SNED1: variants seen among roughly 807,000 people sequenced by gnomAD.
SNED1 encodes sushi, nidogen and EGF like domains 1.
SNED1 carries 81 observed loss-of-function variants against 166.7 expected under a neutral mutation model. The ratio of observed to expected loss-of-function variants is 0.49; its 90% CI spans 0.41 to 0.58. The LOEUF is 0.58. Ranked by LOEUF, SNED1 falls within the 20% of genes least tolerant of loss-of-function variation. The pLI is 0.00. For synonymous variants in SNED1, 762 were observed against 822.0 expected (o/e 0.93, Z 1.25); for missense variants, 1,604 against 2,000.2 (o/e 0.80, Z 3.78).
intron 16 of SNED1, among the ~76,000 whole-genome samples, chr2:241,060,856 G>A (rs530072741): frequency 4.3e-4 from 66 of 152,158 alleles, no homozygotes; most frequent in African/African-American, 1.1e-3. Flanking sequence ...ACTTGAAACC[G>A]GAGTTCAAAG....
At chr2:241,044,974 A>G (rs750366469) in intron 8 of SNED1, among the ~76,000 whole-genome samples, 11 of 152,222 alleles carry the variant, frequency 7.2e-5, no homozygotes, top group Non-Finnish European at 1.0e-4. Flanking sequence ...GCAACTCCAT[A>G]AAGTTACTTA....
rs1371165951 is a variant in SNED1 at position 241,037,233 on chromosome 2, G to A, written c.932-7G>A. On this transcript the variant is annotated splice_polypyrimidine_tract_variant and splice_region_variant and intron_variant, in intron 5 of 31. Coordinates refer to ENST00000310397, the MANE Select transcript of SNED1 (RefSeq NM_001080437.3). ...CCGCTGAGGCCTCAGCCTGCCCCAT[G>A]TTTCAGACGTGAACGAATGTGCCTC... 1 of 1,603,662 alleles carries A rather than the reference G, an allele frequency of 6.2e-7. No homozygotes were observed. Among genetic ancestry groups the A allele is most frequent in the South Asian group, 1.1e-5 (1 of 89,256 alleles).
Position 241,078,351 on chromosome 2 carries a change from G to C in SNED1, c.3917-3326G>C, listed in dbSNP as rs534692610. Reference sequence around the variant, plus strand: ...TGAGGTGAGATCGCGCCACTGCACTGCAGCCTGGGAGACAGAACTAGACTC... The same window carrying C: ...TGAGGTGAGATCGCGCCACTGCACTCCAGCCTGGGAGACAGAACTAGACTC... On this transcript the variant is annotated intron_variant, in intron 27 of 31. Transcript: ENST00000310397. Among the ~76,000 whole-genome samples the C allele has an allele frequency of 3.5e-4, 51 of 145,760 alleles. 1 individual carries two copies. The highest frequency in any genetic ancestry group is 2.8e-3 in the South Asian group (13 of 4,696).
chr2:241,041,043 T>C, intron 8 of SNED1: 3 of 357,070 alleles, frequency 8.4e-6, no homozygotes, highest in South Asian at 6.5e-5. Flanking sequence ...AGGGAGATGC[T>C]AAAGACAAAC....
At chr2:241,042,170 G>A (rs912297923) in intron 8 of SNED1, among the ~76,000 whole-genome samples, 1 of 152,154 alleles carries the variant, frequency 6.6e-6, no homozygotes, top group African/African-American at 2.4e-5. Flanking sequence ...ATCAAGAGGA[G>A]ACCTCCCTGA....
At position 240,999,063 on chromosome 2, in the gene SNED1, C is replaced by T. The variant is rs1413917376; in HGVS notation, c.213+13C>T. 2.4e-6 allele frequency: 3 copies of T among 1,272,862 alleles called. No homozygotes were observed. The highest frequency in any genetic ancestry group is 2.3e-5 in the South Asian group (1 of 43,854). 78.8% of individuals were successfully genotyped at this position (1,272,862 alleles called of 1,614,324 possible). ...CTCCGGACTCTACGTGAGTAACCCC[C>T]GGGCTCGCGGGGCGCCCGGGAGGGG... On this transcript the variant is annotated intron_variant, in intron 1 of 31. Coordinates refer to ENST00000310397, the MANE Select transcript of SNED1 (RefSeq NM_001080437.3). The surrounding 1 kb of genome is among the most constrained non-coding windows in gnomAD (Gnocchi z 5.8).
In SNED1 at chr2:241,070,193, T is replaced by A. The variant is rs949258024; in HGVS notation, c.3581T>A (p.Ile1194Asn). ...PQHSEPAHLY[I>N]ITSPRDGADR... Reference sequence around the variant, plus strand: ...CACAGCGAGCCCGCCCACCTCTACATCATCACCTGTGAGTGCCGTGGGCCC... The same window carrying A: ...CACAGCGAGCCCGCCCACCTCTACAACATCACCTGTGAGTGCCGTGGGCCC... The change falls in exon 24 of 32, where the codon ATC becomes AAC. Residue 1194 changes from isoleucine (I) to asparagine (N), a missense_variant. By Grantham distance (149) the Ile-to-Asn change is moderately radical. Coordinates refer to ENST00000310397, the MANE Select transcript of SNED1 (RefSeq NM_001080437.3). 6.2e-7 allele frequency: 1 copy of A among 1,605,160 alleles called. No homozygotes were observed. Among genetic ancestry groups the A allele is most frequent in the Non-Finnish European group, 8.5e-7 (1 of 1,177,888 alleles).
intron 4 of SNED1, 82 bp downstream of exon 4, chr2:241,034,812 G>C: frequency 1.4e-6 from 2 of 1,409,384 alleles, no homozygotes; most frequent in African/African-American, 2.9e-5. Context: ...AGACGAAGGG[G>C]GCTGGATGCT....
rs538790754 is a variant in SNED1 at position 241,018,487 on chromosome 2, C to T, written c.214-11797C>T. On this transcript the variant is annotated intron_variant, in intron 1 of 31. Coordinates refer to ENST00000310397, the MANE Select transcript of SNED1 (RefSeq NM_001080437.3). The surrounding 1 kb of genome is among the most constrained non-coding windows in gnomAD (Gnocchi z 5.4). ...GTTGTTCACTCAGCCCCCTGCACGT[C>T]CCGGGGTCTAAGGTGGTCCCTGGTC... 6.6e-6 allele frequency among the ~76,000 whole-genome samples: 1 copy of T among 152,346 alleles called. No individual in the cohort carries two copies. The highest frequency in any genetic ancestry group is 2.4e-5 in the African/African-American group (1 of 41,584).
At chr2:241,083,095 G>A (rs1263002363) in intron 29 of SNED1, among the ~76,000 whole-genome samples, 1 of 152,198 alleles carries the variant, frequency 6.6e-6, no homozygotes, top group Non-Finnish European at 1.5e-5. Context: ...TGTGTGGTGT[G>A]GCAGGTGGTG....
chr2:241,038,093 A>G (rs1007168992), intron 6 of SNED1, among the ~76,000 whole-genome samples: 4 of 137,894 alleles, frequency 2.9e-5, no homozygotes, highest in East Asian at 2.1e-4. Context: ...CCTGCTCTCC[A>G]TCTCACCATA....
intron 21 of SNED1, among the ~76,000 whole-genome samples, chr2:241,066,238 C>A (rs2062443256): frequency 6.6e-6 from 1 of 152,118 alleles, no homozygotes; most frequent in South Asian, 2.1e-4. Context: ...GGGTTGTGCA[C>A]AGCCTGTGGG....
rs755055045 is a variant in SNED1, at chr2:241,033,836, C to T, written c.603C>T (p.Ser201=). Residue 201 remains serine, a synonymous_variant, in exon 3 of 32, where the codon AGC becomes AGT. Coordinates refer to ENST00000310397, the MANE Select transcript of SNED1 (RefSeq NM_001080437.3). ...IVWTTGTHAS[S]GGNATGLGGI... Reference sequence around the variant, plus strand: ...GGACCACAGGCACACACGCCAGCAGCGGGGGCAACGCCACTGGCCTCGGGG... The same window carrying T: ...GGACCACAGGCACACACGCCAGCAGTGGGGGCAACGCCACTGGCCTCGGGG... 4.4e-6 allele frequency: 7 copies of T among 1,608,740 alleles called. No individual in the cohort carries two copies. Among genetic ancestry groups the T allele is most frequent in the African/African-American group, 2.7e-5 (2 of 74,980 alleles).
chr2:241,078,382 C>CAAAAAA (rs60965517), intron 27 of SNED1, among the ~76,000 whole-genome samples: 2 of 116,176 alleles, frequency 1.7e-5, no homozygotes, highest in African/African-American at 6.8e-5. Context: ...GACTCCGTCT[C>CAAAAAA]AAAAAAAAAA....
chr2:241,020,451 A>G (rs897133421), intron 1 of SNED1, among the ~76,000 whole-genome samples: 2 of 152,236 alleles, frequency 1.3e-5, no homozygotes, highest in Non-Finnish European at 2.9e-5. Context: ...AGCACCCCGC[A>G]GAGCCAGTGG....
chr2:241,048,951 C>T, intron 10 of SNED1, 71 bp from the exon 11 acceptor site: 1 of 1,414,904 alleles, frequency 7.1e-7, no homozygotes, highest in Non-Finnish European at 9.8e-7. Context: ...GAGGCCCCAT[C>T]CTTGACAAGG....
chr2:241,071,121 G>A (rs531177154), intron 24 of SNED1, among the ~76,000 whole-genome samples: 280 of 152,288 alleles, frequency 1.8e-3, no homozygotes, highest in African/African-American at 6.4e-3. Flanking sequence ...GCTGAAGGAC[G>A]CTGTTAGGGT....
At position 240,998,630 on chromosome 2, in the gene SNED1, G is replaced by A. The variant is rs1331704861; in HGVS notation, c.-208G>A. Among the ~76,000 whole-genome samples, 1 of 151,638 alleles carries A rather than the reference G, an allele frequency of 6.6e-6. No homozygotes were observed. Among genetic ancestry groups the A allele is most frequent in the Non-Finnish European group, 1.5e-5 (1 of 67,880 alleles). ...CAGGGGCGGGGCTGGCCCCGAACGC[G>A]GTCCCGCCCGGCGCTTTCCTCTGCG... On this transcript the variant is annotated 5_prime_UTR_variant, in exon 1 of 32. Coordinates refer to ENST00000310397, the MANE Select transcript of SNED1 (RefSeq NM_001080437.3).
In SNED1 at chr2:241,084,352, C is replaced by T. The variant is rs113069049; in HGVS notation, c.4121+1988C>T. The stretch of plus-strand genomic sequence containing the variant: ...AAGTTTACGTAGAGACAGGGTTTCA[C>T]CATGTTGGCCAGGCTGGTCTCAAAC... On this transcript the variant is annotated intron_variant, in intron 29 of 31. Coordinates refer to ENST00000310397, the MANE Select transcript of SNED1 (RefSeq NM_001080437.3). Among the ~76,000 whole-genome samples, 1,329 of 152,152 alleles carry T rather than the reference C, an allele frequency of 8.7e-3. 22 individuals carry two copies. The highest frequency in any genetic ancestry group is 0.031 in the African/African-American group (1,291 of 41,494).
Sources: gnomAD v4.1 joint callset for allele counts (sites outside exome capture counted in the v4.1 genomes callset) on GRCh38, gnomAD v4.1.1 for gene constraint, Gnocchi (gnomAD v3.1) non-coding constraint, MANE v1.5 for transcripts, NCBI Gene and HGNC (gene_info 2026-07-23, HGNC 2026-07-21) for gene names.